XRCC4: variants seen among roughly 807,000 people sequenced by gnomAD.
XRCC4 encodes X-ray repair cross complementing 4.
In XRCC4, 28 loss-of-function variants were observed where a neutral mutation model predicts 39.1. That is an observed-to-expected ratio of 0.72 (90% CI 0.53 to 0.98). The LOEUF (loss-of-function observed/expected upper bound fraction) is 0.98. Ranked by LOEUF, XRCC4 falls within the 50% of genes least tolerant of loss-of-function variation. The pLI is 0.00. For synonymous variants in XRCC4, 123 were observed against 126.4 expected (o/e 0.97, Z 0.18); for missense variants, 350 against 376.4 (o/e 0.93, Z 0.58).
At chr5:83,130,856 CTCTT>C (rs1747538709) in intron 3 of XRCC4, among the ~76,000 whole-genome samples, 1 of 152,018 alleles carries the variant, frequency 6.6e-6, no homozygotes, top group Non-Finnish European at 1.5e-5. Context: ...TGATTCTTCT[CTCTT>C]TTCTTCTTTA....
At chr5:83,156,424 G>T (rs562446848) in intron 3 of XRCC4, among the ~76,000 whole-genome samples, 1 of 152,096 alleles carries the variant, frequency 6.6e-6, no homozygotes, top group South Asian at 2.1e-4. Context: ...AGCCTATAAT[G>T]AGGGGGAGAG....
intron 1 of XRCC4, among the ~76,000 whole-genome samples, chr5:83,079,136 C>T (rs1458529734): frequency 6.6e-6 from 1 of 152,204 alleles, no homozygotes; most frequent in Non-Finnish European, 1.5e-5. Flanking sequence ...TTAGAGATCA[C>T]AATTGATTTG....
intron 7 of XRCC4, among the ~76,000 whole-genome samples, chr5:83,300,827 G>C (rs1165548522): frequency 6.6e-6 from 1 of 151,878 alleles, no homozygotes; most frequent in Non-Finnish European, 1.5e-5. Flanking sequence ...AGAACATGCA[G>C]TGTTTGGTTT....
At chr5:83,082,686 C>T (rs976537320) in intron 1 of XRCC4, among the ~76,000 whole-genome samples, 1 of 151,954 alleles carries the variant, frequency 6.6e-6, no homozygotes, top group Non-Finnish European at 1.5e-5. Context: ...GCTTTGAATG[C>T]GGCCCACCAC....
At position 83,118,044 on chromosome 5, in the gene XRCC4, C is replaced by CCACACACACACACACACACACA. The variant is rs34524513; in HGVS notation, c.315+6854_315+6875dup. ...TATATATGTGTATGTATATACATCTCCACACACACACACACACACACACAC... is the reference window on the plus strand; with the variant it reads ...TATATATGTGTATGTATATACATCTCCACACACACACACACACACACACACACACACACACACACACACACAC... On this transcript the variant is annotated intron_variant, in intron 3 of 7. Coordinates refer to ENST00000396027, the MANE Select transcript of XRCC4 (RefSeq NM_003401.5). Among the ~76,000 whole-genome samples, 20 of 118,438 alleles carry CCACACACACACACACACACACA rather than the reference C, an allele frequency of 1.7e-4. 1 individual carries two copies. Among genetic ancestry groups the CCACACACACACACACACACACA allele is most frequent in the Admixed American group, 1.4e-3 (18 of 13,006 alleles). 77.7% of individuals were successfully genotyped at this position (118,438 alleles called of 152,430 possible). A position where few individuals can be genotyped will look rare whatever the true frequency, so the allele number is the denominator to read the frequency against.
intron 3 of XRCC4, among the ~76,000 whole-genome samples, chr5:83,153,961 A>G (rs1432752401): frequency 6.6e-6 from 1 of 152,222 alleles, no homozygotes; most frequent in Non-Finnish European, 1.5e-5. Flanking sequence ...GAAGAAATAT[A>G]TGGTACTTCA....
intron 7 of XRCC4, among the ~76,000 whole-genome samples, chr5:83,272,570 C>T (rs953884056): frequency 6.6e-6 from 1 of 151,906 alleles, no homozygotes; most frequent in Non-Finnish European, 1.5e-5. Flanking sequence ...TAATGCTTTC[C>T]CTCTTCTTTC....
intron 3 of XRCC4, among the ~76,000 whole-genome samples, chr5:83,121,758 C>G (rs1747020736): frequency 6.6e-6 from 1 of 152,114 alleles, no homozygotes; most frequent in Admixed American, 6.6e-5. Flanking sequence ...GAGATCACTT[C>G]TAATGCATTT....
At chr5:83,157,125 C>T (rs1323326174) in intron 3 of XRCC4, among the ~76,000 whole-genome samples, 1 of 152,116 alleles carries the variant, frequency 6.6e-6, no homozygotes, top group Non-Finnish European at 1.5e-5. Context: ...AAAAAGGGAA[C>T]TGGCTCCCTT....
At chr5:83,311,052 T>G (rs1453470584) in intron 7 of XRCC4, 2 of 281,932 alleles carry the variant, frequency 7.1e-6, no homozygotes, top group Non-Finnish European at 1.4e-5. Context: ...AGAATAAATT[T>G]TTATTGTATT....
chr5:83,325,868 T>G (rs542285942), intron 7 of XRCC4, among the ~76,000 whole-genome samples: 1 of 152,222 alleles, frequency 6.6e-6, no homozygotes, highest in Admixed American at 6.6e-5. Flanking sequence ...GTTCTAGGTC[T>G]TTAAGGAGTC....
chr5:83,304,599 T>C (rs2112061299), intron 7 of XRCC4, among the ~76,000 whole-genome samples: 1 of 152,354 alleles, frequency 6.6e-6, no homozygotes, highest in African/African-American at 2.4e-5. Flanking sequence ...ATTATTACTT[T>C]AGTTATCTTC....
At chr5:83,214,530 A>G (rs1751776601) in intron 6 of XRCC4, among the ~76,000 whole-genome samples, 1 of 152,016 alleles carries the variant, frequency 6.6e-6, no homozygotes, top group Non-Finnish European at 1.5e-5. Context: ...TGAGACACCC[A>G]TCTTTAAAAA....
intron 6 of XRCC4, among the ~76,000 whole-genome samples, chr5:83,256,638 T>TA (rs5869173): frequency 4.7e-3 from 666 of 141,540 alleles, no homozygotes; most frequent in African/African-American, 5.0e-3. Context: ...TGAATGTGTT[T>TA]AAAAAAAAAA....
intron 3 of XRCC4, among the ~76,000 whole-genome samples, chr5:83,147,713 CA>C (rs1748523393): frequency 6.6e-6 from 1 of 150,958 alleles, no homozygotes; most frequent in South Asian, 2.1e-4. Flanking sequence ...GTTGTCACCA[CA>C]AAAAATCATA....
intron 1 of XRCC4, among the ~76,000 whole-genome samples, chr5:83,100,892 A>G (rs1403484416): frequency 6.6e-6 from 1 of 152,172 alleles, no homozygotes; most frequent in African/African-American, 2.4e-5. Flanking sequence ...TGACTAATTG[A>G]TCTAAAAGAA....
At chr5:83,255,926 A>AT (rs1486508701) in intron 6 of XRCC4, among the ~76,000 whole-genome samples, 1 of 152,126 alleles carries the variant, frequency 6.6e-6, no homozygotes, top group African/African-American at 2.4e-5. Context: ...GCCTCATGGG[A>AT]TTTTTACACC....
At chr5:83,285,878 C>A (rs1012231099) in intron 7 of XRCC4, among the ~76,000 whole-genome samples, 2 of 152,112 alleles carry the variant, frequency 1.3e-5, no homozygotes, top group African/African-American at 4.8e-5. Flanking sequence ...ACTTCACCCT[C>A]CTGGAATGTA....
intron 7 of XRCC4, among the ~76,000 whole-genome samples, chr5:83,315,878 ATGAG>A (rs1459656385): frequency 6.6e-6 from 1 of 152,170 alleles, no homozygotes; most frequent in Non-Finnish European, 1.5e-5. Context: ...CGATAGATGA[ATGAG>A]TAATTTTGAC....
Sources: gnomAD v4.1 joint callset for allele counts (sites outside exome capture counted in the v4.1 genomes callset) on GRCh38, gnomAD v4.1.1 for gene constraint, MANE v1.5 for transcripts, NCBI Gene and HGNC (gene_info 2026-07-23, HGNC 2026-07-21) for gene names.